Variants in CCSER1 observed in about 807,000 individuals in gnomAD.
CCSER1 encodes serine-rich coiled-coil domain-containing protein 1.
Under a neutral mutation model 82.0 loss-of-function variants are expected in CCSER1, and 41 were observed. The ratio of observed to expected loss-of-function variants is 0.50; its 90% confidence interval spans 0.39 to 0.65. The LOEUF (loss-of-function observed/expected upper bound fraction) is 0.65, where lower values mean the gene tolerates loss of function less well. CCSER1 is among the 30% of genes least tolerant of loss of function. CCSER1 has a pLI of 0.00. For synonymous variants in CCSER1, 414 were observed against 383.9 expected (o/e 1.08, Z -0.92); for missense variants, 1,119 against 1,064.2 (o/e 1.05, Z -0.72).
intron 5 of CCSER1, among the ~76,000 whole-genome samples, chr4:90,484,124 C>A (rs952650380): frequency 4.6e-5 from 7 of 152,128 alleles, no homozygotes; most frequent in Admixed American, 1.3e-4. Flanking sequence ...TCATTCATTT[C>A]ATCTTCCATC....
At chr4:90,333,353 G>T (rs1015220483) in intron 3 of CCSER1, among the ~76,000 whole-genome samples, 2 of 151,790 alleles carry the variant, frequency 1.3e-5, no homozygotes, top group Non-Finnish European at 2.9e-5. Flanking sequence ...TTGTGGAAAA[G>T]AACATAGCAC....
intron 5 of CCSER1, among the ~76,000 whole-genome samples, chr4:90,496,416 T>G (rs547176788): frequency 1.4e-4 from 22 of 152,316 alleles, no homozygotes; most frequent in African/African-American, 5.3e-4. Flanking sequence ...GAGATTCACA[T>G]GGAATTAAAA....
At chr4:90,471,761 G>A (rs1452087029) in intron 5 of CCSER1, among the ~76,000 whole-genome samples, 2 of 151,264 alleles carry the variant, frequency 1.3e-5, no homozygotes, top group Admixed American at 1.3e-4. Flanking sequence ...GATCACTTGA[G>A]GTCAGGAGTT....
At chr4:91,367,524 C>T (rs1348188166) in intron 10 of CCSER1, among the ~76,000 whole-genome samples, 1 of 149,816 alleles carries the variant, frequency 6.7e-6, no homozygotes. Context: ...ATCTCTAGGT[C>T]TTTTCTGGAC....
intron 6 of CCSER1, among the ~76,000 whole-genome samples, chr4:90,644,700 T>C (rs754344657): frequency 6.6e-6 from 1 of 151,982 alleles, no homozygotes; most frequent in Non-Finnish European, 1.5e-5. Flanking sequence ...CTCCCACTTA[T>C]AAGCGAGAAG....
At chr4:90,209,912 G>GT (rs1397545668) in intron 1 of CCSER1, among the ~76,000 whole-genome samples, 1 of 151,050 alleles carries the variant, frequency 6.6e-6, no homozygotes, top group Non-Finnish European at 1.5e-5. Flanking sequence ...CCCCTTATAT[G>GT]TTTTGTTTTG....
At chr4:90,166,600 A>G (rs1004375164) in intron 1 of CCSER1, among the ~76,000 whole-genome samples, 1 of 152,020 alleles carries the variant, frequency 6.6e-6, no homozygotes, top group African/African-American at 2.4e-5. Context: ...AAATGCCTAT[A>G]TAAGTTTAAG....
At chr4:91,593,592 G>GT (rs1764377877) in intron 10 of CCSER1, among the ~76,000 whole-genome samples, 1 of 150,742 alleles carries the variant, frequency 6.6e-6, no homozygotes, top group African/African-American at 2.4e-5. Context: ...GATTACAGGC[G>GT]TGAGCCACAG....
intron 1 of CCSER1, among the ~76,000 whole-genome samples, chr4:90,233,081 C>A (rs1334610515): frequency 3.9e-5 from 6 of 152,050 alleles, no homozygotes; most frequent in Admixed American, 3.9e-4. Context: ...CCTCAGGGAT[C>A]TAGAACTAGA....
chr4:90,387,719 G>A (rs1578220033), intron 3 of CCSER1, among the ~76,000 whole-genome samples: 1 of 152,150 alleles, frequency 6.6e-6, no homozygotes, highest in East Asian at 1.9e-4. Flanking sequence ...CTTTTTGGCA[G>A]TACTCCATCT....
rs73837276 is a variant in CCSER1 at position 91,121,409 on chromosome 4, G to A, written c.2217+35415G>A. ...TTACCATTAAGAATCTATCTACTGT[G>A]TAAGGAAAAGAAGTTGTCTAAGAGG... On this transcript the variant is annotated intron_variant, in intron 10 of 10. Transcript: ENST00000509176. Among the ~76,000 whole-genome samples, 660 of 151,814 alleles carry A rather than the reference G, an allele frequency of 4.3e-3. 6 individuals carry two copies. The highest frequency in any genetic ancestry group is 0.015 in the African/African-American group (619 of 41,518).
chr4:90,606,368 A>T (rs7669681), intron 5 of CCSER1, among the ~76,000 whole-genome samples: 63,856 of 152,010 alleles, frequency 0.42, 15,326 homozygotes, highest in African/African-American at 0.66. Flanking sequence ...ACAATGGTAA[A>T]ATATTTGTGT....
intron 10 of CCSER1, among the ~76,000 whole-genome samples, chr4:91,276,934 T>C (rs992365507): frequency 1.3e-5 from 2 of 152,110 alleles, no homozygotes; most frequent in Non-Finnish European, 2.9e-5. Flanking sequence ...TTCTTCATAC[T>C]GTTGAGGTGA....
At chr4:91,477,225 AAAT>A (rs1397486721) in intron 10 of CCSER1, among the ~76,000 whole-genome samples, 1 of 151,784 alleles carries the variant, frequency 6.6e-6, no homozygotes, top group Non-Finnish European at 1.5e-5. Flanking sequence ...TAATAGTAAA[AAAT>A]AATAATAATC....
chr4:90,533,260 T>G lies in CCSER1; in HGVS notation c.1724+64906T>G, dbSNP rs114852286. ...GCGCCTGCCACCACGCCTGGCAACT[T>G]TTTTTTTTGTATTTTTAGTAGAGAC... On this transcript the variant is annotated intron_variant, in intron 5 of 10. Transcript: ENST00000509176. Among the ~76,000 whole-genome samples the G allele has an allele frequency of 7.0e-3, 1,046 of 150,024 alleles. 4 individuals carry two copies. Among genetic ancestry groups the G allele is most frequent in the African/African-American group, 0.018 (726 of 41,018 alleles).
chr4:90,495,730 T>G (rs1768886783), intron 5 of CCSER1, among the ~76,000 whole-genome samples: 1 of 152,194 alleles, frequency 6.6e-6, no homozygotes, highest in Non-Finnish European at 1.5e-5. Context: ...GAGATCATCA[T>G]CTTCCATAAG....
chr4:90,481,179 A>T (rs909106563), intron 5 of CCSER1, among the ~76,000 whole-genome samples: 1 of 149,906 alleles, frequency 6.7e-6, no homozygotes, highest in South Asian at 2.1e-4. Context: ...GCTCTCTGTT[A>T]TTGGTGCATA....
rs551221205 is a variant in CCSER1 at position 91,249,849 on chromosome 4, G to A, written c.2217+163855G>A. ...AGCTGGAACTGTCAGCTCCTTGAGGGCAGAGATCATTTCCTATTAATCTTA... is the reference window on the plus strand; with the variant it reads ...AGCTGGAACTGTCAGCTCCTTGAGGACAGAGATCATTTCCTATTAATCTTA... On this transcript the variant is annotated intron_variant, in intron 10 of 10. Coordinates refer to ENST00000509176, the MANE Select transcript of CCSER1 (RefSeq NM_001145065.2). Among the ~76,000 whole-genome samples the A allele has an allele frequency of 1.0e-3, 155 of 152,022 alleles. 1 individual carries two copies. Among genetic ancestry groups the A allele is most frequent in the Non-Finnish European group, 1.8e-3 (125 of 67,968 alleles).
chr4:90,933,689 GTT>G (rs33937740), intron 9 of CCSER1, among the ~76,000 whole-genome samples: 63,324 of 149,738 alleles, frequency 0.42, 13,710 homozygotes, highest in African/African-American at 0.53. Flanking sequence ...ACTTTTGGAA[GTT>G]TTTTTTTTTC....
Sources: allele counts gnomAD v4.1 joint callset (sites outside exome capture counted in the v4.1 genomes callset), GRCh38; gene constraint gnomAD v4.1.1; transcripts MANE v1.5; gene names NCBI Gene and HGNC (gene_info 2026-07-23, HGNC 2026-07-21).